Variants in MYOM2 observed in about 807,000 individuals in gnomAD.
MYOM2 encodes the protein myomesin-2.
In MYOM2, 254 loss-of-function variants were observed where a neutral mutation model predicts 187.6. The ratio of observed to expected loss-of-function variants is 1.35; its 90% confidence interval spans 1.22 to 1.50. The LOEUF is 1.50. Ranked by LOEUF, MYOM2 falls within the 40% of genes most tolerant of loss-of-function variation. The probability of loss-of-function intolerance (pLI) is 0.00; values close to 1 mark genes in which losing one functional copy is unlikely to be tolerated. For synonymous variants in MYOM2, 981 were observed against 753.8 expected, an observed-to-expected ratio of 1.30 and a Z score of -4.94; for missense variants, 2,796 against 1,924.0, an observed-to-expected ratio of 1.45 and a Z score of -8.48.
chr8:2,106,157 A>T (rs1796880464), intron 21 of MYOM2, 85 bp from the exon 22 acceptor site: 2 of 1,405,804 alleles, frequency 1.4e-6, no homozygotes, highest in Non-Finnish European at 2.0e-6. Context: ...GTGGACGCGG[A>T]GCCAAACCAT....
chr8:2,063,945 T>TTGTTCTCCCTCACA (rs1210040232), intron 6 of MYOM2, among the ~76,000 whole-genome samples: 25 of 152,350 alleles, frequency 1.6e-4, no homozygotes, highest in African/African-American at 6.0e-4. Context: ...CCTCACTTGC[T>TTGTTCTCCCTCACA]TGCAAGTTCT....
intron 12 of MYOM2, 112 bp downstream of exon 12, chr8:2,079,045 T>G: frequency 9.9e-7 from 1 of 1,009,612 alleles, no homozygotes; most frequent in Non-Finnish European, 1.5e-6. Flanking sequence ...GAATGCCCTG[T>G]GTGCAGAGCA....
chr8:2,089,621 T>C (rs1051266230), intron 14 of MYOM2, among the ~76,000 whole-genome samples: 1 of 152,252 alleles, frequency 6.6e-6, no homozygotes, highest in Admixed American at 6.5e-5. Flanking sequence ...TAACTTTAAA[T>C]TGAAATGCGA....
chr8:2,123,993 T>A (rs989322941), intron 30 of MYOM2, among the ~76,000 whole-genome samples, 186 bp from the exon 31 acceptor site: 1 of 152,226 alleles, frequency 6.6e-6, no homozygotes, highest in Non-Finnish European at 1.5e-5. Flanking sequence ...GATCCTTTTT[T>A]AAAAGTGAAT....
At chr8:2,120,891 A>T (rs1002654017) in intron 28 of MYOM2, among the ~76,000 whole-genome samples, 3 of 151,014 alleles carry the variant, frequency 2.0e-5, no homozygotes, top group Non-Finnish European at 4.4e-5. Flanking sequence ...TAAATTTATT[A>T]TAGAAAAATA....
intron 1 of MYOM2, among the ~76,000 whole-genome samples, chr8:2,046,315 G>A (rs1250534344): frequency 6.6e-6 from 1 of 152,210 alleles, no homozygotes; most frequent in Non-Finnish European, 1.5e-5. Flanking sequence ...GTGGTCCCCT[G>A]CACTGGAGGA....
At chr8:2,076,572 G>T (rs913145420) in intron 11 of MYOM2, 3 of 369,302 alleles carry the variant, frequency 8.1e-6, no homozygotes, top group East Asian at 5.5e-5. Flanking sequence ...CTCACTCTGA[G>T]CCCCGCGCTG....
rs1163047055 is a variant in MYOM2, at chr8:2,092,382, G to A, written c.1865G>A (p.Arg622Gln). Residue 622 changes from arginine (R) to glutamine (Q), a missense_variant, in exon 16 of 37, where the codon CGA becomes CAA. Coordinates refer to ENST00000262113, the MANE Select transcript of MYOM2 (RefSeq NM_003970.4). ...GCTCCGGGTCGGGTTCTTGCTTCCC[G>A]AAACACCAAGACGTCGGTGGTGGTG... is the stretch of plus-strand genomic sequence containing the variant. ...PSAPGRVLAS[R>Q]NTKTSVVVQW... 6.2e-6 allele frequency: 10 copies of A among 1,614,092 alleles called. No individual in the cohort carries two copies. The highest frequency in any genetic ancestry group is 2.2e-5 in the East Asian group (1 of 44,870).
At chr8:2,088,441 G>C (rs75482951) in intron 14 of MYOM2, among the ~76,000 whole-genome samples, 120 of 152,288 alleles carry the variant, frequency 7.9e-4, no homozygotes, top group African/African-American at 2.8e-3. Context: ...CTGTCTGGTA[G>C]GCCTCAGTGT....
Position 2,050,814 on chromosome 8 carries a change from C to G in MYOM2, c.48C>G (p.Phe16Leu). The G allele has an allele frequency of 6.2e-7, 1 of 1,613,660 alleles. No homozygotes were observed. The highest frequency in any genetic ancestry group is 1.3e-5 in the African/African-American group (1 of 75,050). ...VPFYQKRHRHFDQSYRNIQTR... is the reference protein window; with the variant it reads ...VPFYQKRHRHLDQSYRNIQTR... ...TCTACCAGAAGAGACATAGGCACTT[C>G]GACCAGTCCTACCGTAATATTCAAA... Residue 16 changes from phenylalanine (F) to leucine (L), a missense_variant, in exon 2 of 37, where the codon TTC becomes TTG. Transcript: ENST00000262113.
intron 24 of MYOM2, 103 bp downstream of exon 24, chr8:2,108,933 G>T: frequency 4.3e-6 from 5 of 1,154,730 alleles, no homozygotes; most frequent in Non-Finnish European, 6.3e-6. Flanking sequence ...GGGAAAGGAT[G>T]GCCTGATTTC....
intron 31 of MYOM2, among the ~76,000 whole-genome samples, chr8:2,125,467 G>A (rs1470550262): frequency 2.6e-5 from 4 of 152,234 alleles, no homozygotes; most frequent in African/African-American, 9.6e-5. Flanking sequence ...TAATGTCAGT[G>A]CCATGCTGTT....
chr8:2,078,782 G>C lies in MYOM2; in HGVS notation c.1311G>C (p.Val437=). The C allele has an allele frequency of 6.2e-7, 1 of 1,614,180 alleles. No individual in the cohort carries two copies. Among genetic ancestry groups the C allele is most frequent in the Non-Finnish European group, 8.5e-7 (1 of 1,180,036 alleles). Residue 437 remains valine (V), a synonymous_variant, in exon 12 of 37, where the codon GTG becomes GTC. Transcript: ENST00000262113. ...NNWVQCNDAP[V]KICKYPVTGL... ...GGGTGCAGTGCAATGATGCACCGGT[G>C]AAAATCTGCAAATACCCGGTCACAG...
In MYOM2 at chr8:2,102,726, T is replaced by C. The variant is rs555727295; in HGVS notation, c.2679T>C (p.Asn893=). ...YVFRVRAVNA[N]GVGKPSDTSE... Reference sequence around the variant, plus strand: ...TCAGGGTCCGGGCAGTCAATGCAAATGGCGTGGGGAAGCCCTCAGACACGT... The same window carrying C: ...TCAGGGTCCGGGCAGTCAATGCAAACGGCGTGGGGAAGCCCTCAGACACGT... Residue 893 remains asparagine (N), a synonymous_variant, in exon 21 of 37, where the codon AAT becomes AAC. Transcript: ENST00000262113. The C allele has an allele frequency of 1.1e-5, 17 of 1,614,132 alleles. No homozygotes were observed. The highest frequency in any genetic ancestry group is 1.4e-5 in the Non-Finnish European group (16 of 1,179,940).
At chr8:2,049,981 C>T (rs528693206) in intron 1 of MYOM2, among the ~76,000 whole-genome samples, 2 of 152,316 alleles carry the variant, frequency 1.3e-5, no homozygotes, top group South Asian at 2.1e-4. Flanking sequence ...TGCTCACCTC[C>T]TGCTACGCCT....
At chr8:2,124,887 C>G (rs1047008331) in intron 31 of MYOM2, among the ~76,000 whole-genome samples, 1 of 152,052 alleles carries the variant, frequency 6.6e-6, no homozygotes, top group South Asian at 2.1e-4. Context: ...ATTTTTCTGT[C>G]TTCTTTTGAG....
In MYOM2 at chr8:2,113,653, AAG is replaced by A. The variant is rs201477787; in HGVS notation, c.3181-2305_3181-2304del. Among the ~76,000 whole-genome samples, 623 of 152,298 alleles carry A rather than the reference AAG, an allele frequency of 4.1e-3. 7 individuals are homozygous for A. The highest frequency in any genetic ancestry group is 7.6e-3 in the Admixed American group (116 of 15,300). On this transcript the variant is annotated intron_variant, in intron 25 of 36. Transcript: ENST00000262113. ...CTGGAGGGGAAGGTCTCAGTTGATC[AAG>A]AAGGCTTCTCAGGTCTGCACTGGGA...
intron 19 of MYOM2, among the ~76,000 whole-genome samples, chr8:2,100,081 C>CTTCTTTCCTTCCTTCCTTCCTTCT (rs1796638589): frequency 4.0e-5 from 3 of 75,044 alleles, no homozygotes; most frequent in African/African-American, 1.9e-4. Context: ...TCCTTCCTTT[C>CTTCTTTCCTTCCTTCCTTCCTTCT]TTCTTTCCTT....
intron 32 of MYOM2, among the ~76,000 whole-genome samples, chr8:2,135,520 C>G (rs1023238287): frequency 6.6e-6 from 1 of 152,176 alleles, no homozygotes; most frequent in Admixed American, 6.5e-5. Flanking sequence ...TCACCTGCCC[C>G]CGCCCCTTAC....
Sources: allele counts gnomAD v4.1 joint callset (sites outside exome capture counted in the v4.1 genomes callset), GRCh38; gene constraint gnomAD v4.1.1; transcripts MANE v1.5; gene names NCBI Gene and HGNC (gene_info 2026-07-23, HGNC 2026-07-21).